The following RGS7 variants were observed in gnomAD, a reference collection of about 807,000 sequenced individuals.
The protein encoded by RGS7 is regulator of G protein signaling 7.
RGS7 carries 27 observed loss-of-function variants against 81.1 expected under a neutral mutation model. That is an observed-to-expected ratio of 0.33 (90% CI 0.25 to 0.46). The LOEUF is 0.46. Ranked by LOEUF, RGS7 falls within the 20% of genes least tolerant of loss-of-function variation. The probability of loss-of-function intolerance (pLI) is 1.00; values close to 1 mark genes in which losing one functional copy is unlikely to be tolerated. For synonymous variants in RGS7, 208 were observed against 207.7 expected (o/e 1.00, Z -0.01); for missense variants, 396 against 607.4 (o/e 0.65, Z 3.66).
At chr1:240,943,658 C>T (rs989787595) in intron 4 of RGS7, among the ~76,000 whole-genome samples, 5 of 152,124 alleles carry the variant, frequency 3.3e-5, no homozygotes, top group African/African-American at 1.2e-4. Flanking sequence ...TATGTTTTTC[C>T]CTACAGCAAA....
chr1:240,930,869 GT>G, intron 5 of RGS7, 101 bp from the exon 6 acceptor site: 1 of 1,131,376 alleles, frequency 8.8e-7, no homozygotes, highest in Non-Finnish European at 1.3e-6. Context: ...CTCTATATTA[GT>G]TTGCTATATG....
chr1:241,200,940 A>G (rs1021198954), intron 2 of RGS7, among the ~76,000 whole-genome samples: 3 of 152,186 alleles, frequency 2.0e-5, no homozygotes, highest in Non-Finnish European at 4.4e-5. Flanking sequence ...CCCCAACTCC[A>G]GTCCAAGATT....
chr1:241,033,623 T>C (rs763009500), intron 3 of RGS7, among the ~76,000 whole-genome samples: 13 of 152,130 alleles, frequency 8.5e-5, no homozygotes, highest in Non-Finnish European at 1.6e-4. Context: ...GGTGATAAAA[T>C]GTCCTTTCAT....
intron 2 of RGS7, among the ~76,000 whole-genome samples, chr1:241,101,560 A>C (rs1347542227): frequency 2.6e-5 from 4 of 152,164 alleles, no homozygotes; most frequent in Non-Finnish European, 2.9e-5. Context: ...AGGCCTGTAA[A>C]AGACCCCAAC....
chr1:241,329,903 G>C (rs1406603363), intron 2 of RGS7, among the ~76,000 whole-genome samples: 1 of 151,906 alleles, frequency 6.6e-6, no homozygotes, highest in African/African-American at 2.4e-5. Flanking sequence ...ATAAAAACTT[G>C]ATGGCAATTT....
intron 2 of RGS7, among the ~76,000 whole-genome samples, chr1:241,167,955 G>A (rs1174740474): frequency 1.3e-5 from 2 of 152,160 alleles, no homozygotes; most frequent in African/African-American, 4.8e-5. Flanking sequence ...ACATCTTGGA[G>A]CAAAGCCTTC....
At chr1:241,241,552 C>G (rs1359191391) in intron 2 of RGS7, among the ~76,000 whole-genome samples, 2 of 152,050 alleles carry the variant, frequency 1.3e-5, no homozygotes, top group Non-Finnish European at 2.9e-5. Flanking sequence ...TGACCTTCAC[C>G]TTCTGCCTCC....
chr1:241,314,531 T>G (rs757361586), intron 2 of RGS7, among the ~76,000 whole-genome samples: 1 of 152,170 alleles, frequency 6.6e-6, no homozygotes, highest in Non-Finnish European at 1.5e-5. Context: ...ACCAAAGAAT[T>G]TGTGTGGCTC....
intron 2 of RGS7, among the ~76,000 whole-genome samples, chr1:241,224,566 C>T (rs1183950996): frequency 6.6e-6 from 1 of 152,054 alleles, no homozygotes; most frequent in Non-Finnish European, 1.5e-5. Flanking sequence ...TTCTTCCCAC[C>T]ATAAAAGTTA....
chr1:240,836,775 G>C (rs1254529001), intron 9 of RGS7, among the ~76,000 whole-genome samples: 1 of 152,172 alleles, frequency 6.6e-6, no homozygotes, highest in Non-Finnish European at 1.5e-5. Flanking sequence ...ATTATCACTG[G>C]TGGTATGAAC....
chr1:241,044,311 A>C (rs1221240020), intron 3 of RGS7, among the ~76,000 whole-genome samples: 1 of 151,812 alleles, frequency 6.6e-6, no homozygotes, highest in South Asian at 2.1e-4. Flanking sequence ...GGTTTCACCA[A>C]ATTGGCCAGG....
At chr1:241,150,229 G>A (rs187220011) in intron 2 of RGS7, among the ~76,000 whole-genome samples, 2 of 152,292 alleles carry the variant, frequency 1.3e-5, no homozygotes, top group Admixed American at 6.5e-5. Flanking sequence ...ATAAACTATA[G>A]TGATCAATAA....
In RGS7 at chr1:241,092,402, T is replaced by C. The variant is rs949138857; in HGVS notation, c.175+6264A>G. 2.6e-5 allele frequency among the ~76,000 whole-genome samples: 4 copies of C among 152,350 alleles called. No homozygotes were observed. The South Asian group carries it at 6.2e-4, about 24-fold the overall frequency. ...GATTTTTTAGCTGGTATGAGTGTTATAGTTTGCTTTACCAAAGATTTTCAG... is the reference window on the plus strand; with the variant it reads ...GATTTTTTAGCTGGTATGAGTGTTACAGTTTGCTTTACCAAAGATTTTCAG... On this transcript the variant is annotated intron_variant, in intron 3 of 18. Coordinates refer to ENST00000440928, the MANE Select transcript of RGS7 (RefSeq NM_001364886.1).
chr1:240,960,029 G>A (rs903668491), intron 4 of RGS7, among the ~76,000 whole-genome samples: 15 of 151,684 alleles, frequency 9.9e-5, no homozygotes, highest in Admixed American at 2.6e-4. Flanking sequence ...GTGTGGTGGC[G>A]TGTGCCTGCA....
At chr1:240,939,895 C>A (rs1406477813) in intron 4 of RGS7, among the ~76,000 whole-genome samples, 1 of 151,888 alleles carries the variant, frequency 6.6e-6, no homozygotes, top group Non-Finnish European at 1.5e-5. Flanking sequence ...ACCTGGTGAA[C>A]CCCGTCTCTA....
intron 3 of RGS7, among the ~76,000 whole-genome samples, chr1:241,024,445 G>C (rs1292772414): frequency 6.6e-6 from 1 of 152,122 alleles, no homozygotes; most frequent in African/African-American, 2.4e-5. Flanking sequence ...GCCTAGGTGG[G>C]TTTTGCACCC....
At chr1:241,173,150 G>A (rs932626481) in intron 2 of RGS7, among the ~76,000 whole-genome samples, 2 of 151,928 alleles carry the variant, frequency 1.3e-5, no homozygotes, top group East Asian at 1.9e-4. Context: ...TTTTTATATC[G>A]CTCAACAAAG....
At chr1:240,945,266 G>A (rs1678413090) in intron 4 of RGS7, among the ~76,000 whole-genome samples, 4 of 152,186 alleles carry the variant, frequency 2.6e-5, no homozygotes, top group Admixed American at 2.0e-4. Flanking sequence ...AAATATAAAA[G>A]CTGATTTTAA....
intron 14 of RGS7, among the ~76,000 whole-genome samples, chr1:240,808,035 C>CAA (rs34236519): frequency 0.08 from 5,330 of 66,428 alleles, 183 homozygotes; most frequent in East Asian, 0.15. Flanking sequence ...AACTTCATCT[C>CAA]AAAAAAAAAA....
Sources: gnomAD v4.1 joint callset for allele counts (sites outside exome capture counted in the v4.1 genomes callset) on GRCh38, gnomAD v4.1.1 for gene constraint, MANE v1.5 for transcripts, NCBI Gene and HGNC (gene_info 2026-07-23, HGNC 2026-07-21) for gene names.